The following ZC3HAV1L variants were observed in gnomAD, a reference collection of about 807,000 sequenced individuals.
ZC3HAV1L encodes the protein ZC3HAV1 like.
In ZC3HAV1L, 23 loss-of-function variants were observed where a neutral mutation model predicts 28.2. That is an observed-to-expected ratio of 0.82 (90% CI 0.59 to 1.16). The LOEUF is 1.16. ZC3HAV1L is among the 50% of genes most tolerant of loss of function. ZC3HAV1L has a pLI of 0.00. For missense variants in ZC3HAV1L, 376 were observed against 387.7 expected, an observed-to-expected ratio of 0.97 and a Z score of 0.25; for synonymous variants, 180 against 163.4, an observed-to-expected ratio of 1.10 and a Z score of -0.78.
At chr7:139,035,198 T>C (rs964411956) in intron 1 of ZC3HAV1L, 38 of 985,110 alleles carry the variant, frequency 3.9e-5, no homozygotes, top group Non-Finnish European at 4.6e-5. Context: ...CTCAGCGCTG[T>C]TAAACCTAGA....
chr7:139,033,430 C>A (rs1016060110), intron 2 of ZC3HAV1L, among the ~76,000 whole-genome samples: 1 of 152,156 alleles, frequency 6.6e-6, no homozygotes, highest in Non-Finnish European at 1.5e-5. Context: ...GTGGTAAAAG[C>A]AATCATCAGG....
chr7:139,023,182 G>GA (rs565321825), downstream of ZC3HAV1L, among the ~76,000 whole-genome samples: 2,860 of 103,208 alleles, frequency 0.028, 67 homozygotes, highest in South Asian at 0.11. Context: ...AAGGAAAAAA[G>GA]AAAAAAAAAA....
chr7:139,027,161 C>T (rs1023321204), intron 3 of ZC3HAV1L, among the ~76,000 whole-genome samples: 23 of 152,162 alleles, frequency 1.5e-4, no homozygotes, highest in Non-Finnish European at 3.1e-4. Context: ...TATGCAGAGC[C>T]CTCCCTGTCT....
rs779658077 is a variant in ZC3HAV1L at position 139,028,896 on chromosome 7, T to C, written c.566A>G (p.Asn189Ser). The change falls in exon 3 of 5, where the codon AAC (asparagine) becomes AGC (serine). Residue 189 changes from asparagine (N) to serine (S), a missense_variant. Coordinates refer to ENST00000275766, the MANE Select transcript of ZC3HAV1L (RefSeq NM_080660.4). The part of the protein sequence containing the change: ...YGYCNLKDKC[N>S]KFHVCKSFVK... ...AAAGGATTTGCACACATGAAACTTG[T>C]TGCATTTATCCTTGAGGTTGCAGTA... is the stretch of plus-strand genomic sequence containing the variant. The C allele has an allele frequency of 1.9e-6, 3 of 1,614,238 alleles. No individual in the cohort carries two copies. Among genetic ancestry groups the C allele is most frequent in the South Asian group, 1.1e-5 (1 of 91,082 alleles).
intron 2 of ZC3HAV1L, among the ~76,000 whole-genome samples, chr7:139,031,968 G>C (rs138057081): frequency 5.5e-4 from 83 of 152,116 alleles, no homozygotes; most frequent in African/African-American, 2.0e-3. Context: ...CCAGCTACTC[G>C]AGAGGCTGAA....
At chr7:139,034,824 A>C (rs901535885) in intron 1 of ZC3HAV1L, 146 bp from the exon 2 acceptor site, 1 of 1,393,824 alleles carries the variant, frequency 7.2e-7, no homozygotes. Context: ...CCTAATAAGC[A>C]CTGATGGAAA....
In ZC3HAV1L at chr7:139,028,757, A is replaced by C; in HGVS notation, c.705T>G (p.Phe235Leu). ...TATGCTTGTAGGTGGAGATTATCTGAAAATTAACAACACTTGGAATATTCA... is the reference window on the plus strand; with the variant it reads ...TATGCTTGTAGGTGGAGATTATCTGCAAATTAACAACACTTGGAATATTCA... ...QGLNIPSVVN[F>L]QIISTYKHMK... Residue 235 changes from phenylalanine (F) to leucine (L), a missense_variant, in exon 3 of 5, where the codon TTT (phenylalanine) becomes TTG (leucine). Transcript: ENST00000275766. 1 of 1,614,190 alleles carries C rather than the reference A, an allele frequency of 6.2e-7. No individual in the cohort carries two copies. Among genetic ancestry groups the C allele is most frequent in the South Asian group, 1.1e-5 (1 of 91,080 alleles).
intron 2 of ZC3HAV1L, among the ~76,000 whole-genome samples, chr7:139,031,562 G>C (rs1356559966): frequency 6.6e-6 from 1 of 151,836 alleles, no homozygotes; most frequent in African/African-American, 2.4e-5. Context: ...CTCCAGTCTG[G>C]GCGACAGAGC....
chr7:139,028,596 G>T, intron 3 of ZC3HAV1L, 106 bp downstream of exon 3: 1 of 1,414,148 alleles, frequency 7.1e-7, no homozygotes, highest in Non-Finnish European at 9.6e-7. Context: ...CATAGGAACT[G>T]CTTTGCCCCC....
downstream of ZC3HAV1L, among the ~76,000 whole-genome samples, chr7:139,025,536 T>C (rs989672204): frequency 7.2e-5 from 11 of 151,934 alleles, no homozygotes; most frequent in Admixed American, 7.2e-4. Flanking sequence ...TGGCTGAGGA[T>C]GGACCTACAA....
intron 1 of ZC3HAV1L, chr7:139,034,975 C>G (rs925775529): frequency 5.2e-5 from 51 of 985,428 alleles, no homozygotes; most frequent in Non-Finnish European, 6.0e-5. Flanking sequence ...TTCTCCCCGG[C>G]AACAGCTGCC....
At chr7:139,026,624 T>C (rs1374478135) in intron 4 of ZC3HAV1L, 64 bp from the exon 5 acceptor site, 24 of 1,612,896 alleles carry the variant, frequency 1.5e-5, no homozygotes, top group Non-Finnish European at 1.9e-5. Flanking sequence ...TGGTTACAAA[T>C]TAAAGCTAAA....
rs78347152 is a variant in ZC3HAV1L at position 139,028,533 on chromosome 7, T to C, written c.760+169A>G. On this transcript the variant is annotated intron_variant, in intron 3 of 4. Coordinates refer to ENST00000275766, the MANE Select transcript of ZC3HAV1L (RefSeq NM_080660.4). ...TCCTTTGGTTAGGATCACCGTTCTA[T>C]ACAATACAATGTTGCCTGTTCTAAA... Among the ~76,000 whole-genome samples the C allele has an allele frequency of 9.7e-3, 1,470 of 152,290 alleles. 25 individuals carry two copies. The highest frequency in any genetic ancestry group is 0.033 in the African/African-American group (1,379 of 41,542).
intron 3 of ZC3HAV1L, among the ~76,000 whole-genome samples, chr7:139,028,240 G>A (rs992855198): frequency 3.9e-5 from 6 of 152,072 alleles, no homozygotes; most frequent in Non-Finnish European, 8.8e-5. Flanking sequence ...GGGCATGGTG[G>A]CGCATGCCTG....
chr7:139,028,201 C>T (rs561307250), intron 3 of ZC3HAV1L, among the ~76,000 whole-genome samples: 3 of 151,952 alleles, frequency 2.0e-5, no homozygotes, highest in South Asian at 4.2e-4. Context: ...GGTGAAACCC[C>T]GCCTCGACTA....
downstream of ZC3HAV1L, among the ~76,000 whole-genome samples, chr7:139,021,941 T>G (rs746372601): frequency 5.9e-5 from 9 of 152,188 alleles, no homozygotes; most frequent in Middle Eastern, 3.4e-3. Context: ...AAAAGATACA[T>G]ATTTTAAAAG....
At position 139,028,868 on chromosome 7, in the gene ZC3HAV1L, C is replaced by T; in HGVS notation, c.594G>A (p.Val198=). The stretch of plus-strand genomic sequence containing the variant: ...AGGTCTGAAGTTTGCATTCTCCTTT[C>T]ACAAAGGATTTGCACACATGAAACT... The part of the protein sequence containing the change: ...CNKFHVCKSF[V]KGECKLQTCK... Residue 198 remains valine, a synonymous_variant, in exon 3 of 5, where the codon GTG becomes GTA. Coordinates refer to ENST00000275766, the MANE Select transcript of ZC3HAV1L (RefSeq NM_080660.4). 6.2e-7 allele frequency: 1 copy of T among 1,614,224 alleles called. No individual in the cohort carries two copies. The highest frequency in any genetic ancestry group is 8.5e-7 in the Non-Finnish European group (1 of 1,180,044).
In ZC3HAV1L at chr7:139,026,837, CA is replaced by C; in HGVS notation, c.761-5del. 1 of 1,607,668 alleles carries C rather than the reference CA, an allele frequency of 6.2e-7. No individual in the cohort carries two copies. Among genetic ancestry groups the C allele is most frequent in the Non-Finnish European group, 8.5e-7 (1 of 1,176,166 alleles). ...TCAGTCGAAGGTGATGAATTATCTA[CA>C]AAGAGGAAAGGGATAAGTTTTCCTA... On this transcript the variant is annotated splice_region_variant and splice_polypyrimidine_tract_variant and intron_variant, in intron 3 of 4. Transcript: ENST00000275766.
At chr7:139,027,132 A>C (rs1231036872) in intron 3 of ZC3HAV1L, among the ~76,000 whole-genome samples, 2 of 100,578 alleles carry the variant, frequency 2.0e-5, no homozygotes, top group African/African-American at 4.6e-5. Context: ...ACAGTTCCCT[A>C]AACAGCCCGA....
Sources: gnomAD v4.1 joint callset for allele counts (sites outside exome capture counted in the v4.1 genomes callset) on GRCh38, gnomAD v4.1.1 for gene constraint, MANE v1.5 for transcripts, NCBI Gene and HGNC (gene_info 2026-07-23, HGNC 2026-07-21) for gene names.